EPHB4: variants seen among roughly 807,000 people sequenced by gnomAD.
EPHB4 encodes the protein EPH receptor B4.
A neutral mutation model predicts 110.6 loss-of-function variants in EPHB4; 50 were observed. The observed-to-expected ratio is 0.45, with a 90% confidence interval of 0.36 to 0.57. The LOEUF (loss-of-function observed/expected upper bound fraction) is 0.57, where lower values mean the gene tolerates loss of function less well. EPHB4 is among the 20% of genes least tolerant of loss of function. The pLI is 0.00. For synonymous variants in EPHB4, 592 were observed against 578.4 expected (o/e 1.02, Z -0.34); for missense variants, 1,128 against 1,382.1 (o/e 0.82, Z 2.91).
chr7:100,822,728 T>C lies in EPHB4; in HGVS notation c.412-61A>G, dbSNP rs1174505840. The C allele has an allele frequency of 1.4e-6, 2 of 1,452,904 alleles. No homozygotes were observed. The highest frequency in any genetic ancestry group is 1.4e-5 in the African/African-American group (1 of 70,546). 90.0% of individuals were successfully genotyped at this position (1,452,904 alleles called of 1,614,324 possible). On this transcript the variant is annotated intron_variant, in intron 3 of 16. Transcript: ENST00000358173. This position sits in a 1 kb window ranked among gnomAD's most constrained non-coding sequence, Gnocchi z 4.7. ...CACTCCCTGAGGACCCAGCGGACTG[T>C]TGTGTTCTTCCCAGCTCACCCTCCC...
chr7:100,822,810 T>C lies in EPHB4; in HGVS notation c.412-143A>G, dbSNP rs1813270434. On this transcript the variant is annotated intron_variant, in intron 3 of 16. Coordinates refer to ENST00000358173, the MANE Select transcript of EPHB4 (RefSeq NM_004444.5). The surrounding 1 kb of genome is among the most constrained non-coding windows in gnomAD (Gnocchi z 4.7). ...CCTCCACCTTCCCCAGGGCACACTT[T>C]CTGCAGGCCCCCACACTGTCCATTC... is the stretch of plus-strand genomic sequence containing the variant. The C allele has an allele frequency of 1.6e-6, 2 of 1,286,536 alleles. No homozygotes were observed. The highest frequency in any genetic ancestry group is 2.1e-6 in the Non-Finnish European group (2 of 966,758). The allele number at this position is 1,286,536 out of a possible 1,614,324, so 79.7% of individuals were successfully genotyped here.
rs560760071 is a variant in EPHB4 at position 100,826,870 on chromosome 7, G to A, written c.52+109C>T. On this transcript the variant is annotated intron_variant, in intron 1 of 16. Coordinates refer to ENST00000358173, the MANE Select transcript of EPHB4 (RefSeq NM_004444.5). The stretch of plus-strand genomic sequence containing the variant: ...TCGGTCCGAAGTGTTTGGGACTGCA[G>A]TGCCCGGGTAGGGGTAGTCAGAGGC... 5 of 1,306,982 alleles carry A rather than the reference G, an allele frequency of 3.8e-6. No individual in the cohort carries two copies. In the South Asian group the frequency reaches 4.5e-5, roughly 12 times the overall value. The allele number at this position is 1,306,982 out of a possible 1,614,324, so 81.0% of individuals were successfully genotyped here.
At position 100,827,466 on chromosome 7, in the gene EPHB4, G is replaced by T; in HGVS notation, c.-436C>A. The T allele has an allele frequency of 6.6e-6, 1 of 150,856 alleles. No individual in the cohort carries two copies. Among genetic ancestry groups the T allele is most frequent in the South Asian group, 1.9e-4 (1 of 5,180 alleles). The allele number at this position is 150,856 out of a possible 1,614,324, so 9.3% of individuals were successfully genotyped here. ...GCGGGGACGGAGCGGGAGGGAGGGA[G>T]ACTGCGGCGCGGAGCCGGGCGGGCC... On this transcript the variant is annotated 5_prime_UTR_variant, in exon 1 of 17. Coordinates refer to ENST00000358173, the MANE Select transcript of EPHB4 (RefSeq NM_004444.5).
At chr7:100,805,370 G>A in intron 15 of EPHB4, 49 bp from the exon 16 acceptor site, 1 of 1,609,228 alleles carries the variant, frequency 6.2e-7, no homozygotes. Flanking sequence ...CCCAGGTCCG[G>A]GGGAGGAGGT....
intron 7 of EPHB4, among the ~76,000 whole-genome samples, 197 bp from the exon 8 acceptor site, chr7:100,817,554 T>C (rs1813107937): frequency 6.6e-6 from 1 of 152,188 alleles, no homozygotes; most frequent in African/African-American, 2.4e-5. Flanking sequence ...GGTCTCACTT[T>C]CTCAGGCTGG....
Position 100,807,468 on chromosome 7 carries a change from C to A in EPHB4, c.2231G>T (p.Arg744Leu), listed in dbSNP as rs1285622741. ...MSYVHRDLAARNILVNSNLVC... is the reference protein window; with the variant it reads ...MSYVHRDLAALNILVNSNLVC... ...GAGGTTGCTGTTGACTAGGATGTTG[C>A]GAGCAGCCAGGTCTCGGTGGACGTA... is the stretch of plus-strand genomic sequence containing the variant. The change falls in exon 13 of 17, where the codon CGC becomes CTC. Residue 744 changes from arginine to leucine, a missense_variant. Arg to Leu is a moderately radical substitution (Grantham distance 102). This residue lies in a region of EPHB4 where 191 missense variants were observed against 313.0 expected (regional missense o/e 0.61). Transcript: ENST00000358173. The A allele has an allele frequency of 6.2e-7, 1 of 1,613,850 alleles. No homozygotes were observed. The highest frequency in any genetic ancestry group is 8.5e-7 in the Non-Finnish European group (1 of 1,179,988).
intron 12 of EPHB4, among the ~76,000 whole-genome samples, chr7:100,811,032 T>A (rs1812920991): frequency 1.3e-5 from 2 of 152,176 alleles, no homozygotes; most frequent in South Asian, 4.2e-4. Flanking sequence ...GGTGGATCAC[T>A]TGAGCCCAGG....
At chr7:100,817,143 C>A (rs760527961) in intron 8 of EPHB4, 49 bp downstream of exon 8, 2 of 1,331,260 alleles carry the variant, frequency 1.5e-6, no homozygotes, top group Non-Finnish European at 2.0e-6. Flanking sequence ...TTCCCAGGAA[C>A]TTTGGGGGTC....
chr7:100,804,281 G>C (rs574233906), intron 16 of EPHB4, among the ~76,000 whole-genome samples: 3 of 148,828 alleles, frequency 2.0e-5, no homozygotes, highest in African/African-American at 7.5e-5. Flanking sequence ...GATTACAGGC[G>C]TGAGCCACCA....
Position 100,803,787 on chromosome 7 carries a change from G to C in EPHB4, c.2835-197C>G, listed in dbSNP as rs189463672. Among the ~76,000 whole-genome samples, 11 of 152,338 alleles carry C rather than the reference G, an allele frequency of 7.2e-5. No individual in the cohort carries two copies. In the South Asian group the frequency reaches 1.0e-3, roughly 14 times the overall value. ...CCATCCTTCTGTGCAACCGCAGAAG[G>C]GGGTAGGGCTGGAGGCCAGAGGCAG... On this transcript the variant is annotated intron_variant, in intron 16 of 16. Coordinates refer to ENST00000358173, the MANE Select transcript of EPHB4 (RefSeq NM_004444.5).
chr7:100,806,786 T>A (rs1315768775), intron 13 of EPHB4, among the ~76,000 whole-genome samples: 1 of 152,172 alleles, frequency 6.6e-6, no homozygotes, highest in African/African-American at 2.4e-5. Flanking sequence ...TTCTCCTACC[T>A]CAGCCTCCTG....
chr7:100,818,069 T>A (rs1203364739), intron 7 of EPHB4, among the ~76,000 whole-genome samples: 1 of 150,832 alleles, frequency 6.6e-6, no homozygotes, highest in East Asian at 2.0e-4. Flanking sequence ...GGTTTCACCG[T>A]GTTAGCCAGG....
rs761744965 is a variant in EPHB4 at position 100,819,880 on chromosome 7, G to A, written c.974C>T (p.Ser325Leu). Residue 325 changes from serine (S) to leucine (L), a missense_variant, in exon 6 of 17, where the codon TCG becomes TTG. Ser to Leu is a moderately radical substitution (Grantham distance 145). Transcript: ENST00000358173. Reference protein sequence around the residue: ...PRGAPCTTPPSAPRSVVSRLN... With the variant: ...PRGAPCTTPPLAPRSVVSRLN... ...GCGGGAAACCACGCTCCGCGGAGCC[G>A]AAGGAGGGGCTGCAGGAGACCAGGG... 1 of 1,544,668 alleles carries A rather than the reference G, an allele frequency of 6.5e-7. No individual in the cohort carries two copies. The highest frequency in any genetic ancestry group is 8.8e-7 in the Non-Finnish European group (1 of 1,142,804).
Position 100,806,573 on chromosome 7 carries a change from C to A in EPHB4, c.2335-4G>T. On this transcript the variant is annotated splice_region_variant and splice_polypyrimidine_tract_variant and intron_variant, in intron 13 of 16. Coordinates refer to ENST00000358173, the MANE Select transcript of EPHB4 (RefSeq NM_004444.5). Reference sequence around the variant, plus strand: ...ATCGGATGGGAATCTTTCCTCCCTGCAGAAAAAGGAGAAAAGGTGAGCTGG... The same window carrying A: ...ATCGGATGGGAATCTTTCCTCCCTGAAGAAAAAGGAGAAAAGGTGAGCTGG... The A allele has an allele frequency of 6.2e-7, 1 of 1,611,692 alleles. No homozygotes were observed. Among genetic ancestry groups the A allele is most frequent in the Non-Finnish European group, 8.5e-7 (1 of 1,178,844 alleles).
chr7:100,807,867 G>A (rs927407996), intron 12 of EPHB4, among the ~76,000 whole-genome samples: 17 of 151,870 alleles, frequency 1.1e-4, no homozygotes, highest in African/African-American at 3.6e-4. Flanking sequence ...GGCCTGAAGC[G>A]ATCCTTCCGC....
intron 13 of EPHB4, 31 bp downstream of exon 13, chr7:100,807,334 A>G (rs748023770): frequency 9.6e-5 from 155 of 1,607,782 alleles, no homozygotes; most frequent in Non-Finnish European, 1.3e-4. Context: ...GGCCCTAAGA[A>G]GCTCACACCC....
At chr7:100,825,425 A>C (rs1013327861) in intron 1 of EPHB4, 1 of 152,134 alleles carries the variant, frequency 6.6e-6, no homozygotes, top group Non-Finnish European at 1.5e-5. Context: ...TCCAATTTAC[A>C]CACTGTCTCT....
At chr7:100,813,810 T>C in intron 9 of EPHB4, 94 bp from the exon 10 acceptor site, 2 of 1,606,732 alleles carry the variant, frequency 1.2e-6, no homozygotes, top group South Asian at 1.1e-5. Flanking sequence ...TGGAGAAGAT[T>C]TCAAGTAAAA....
intron 8 of EPHB4, 45 bp downstream of exon 8, chr7:100,817,146 TG>T (rs1203357124): frequency 1.4e-6 from 2 of 1,453,868 alleles, no homozygotes; most frequent in Admixed American, 2.7e-5. Flanking sequence ...CCAGGAACTT[TG>T]GGGGTCTTTC....
Sources: gnomAD v4.1 joint callset for allele counts (sites outside exome capture counted in the v4.1 genomes callset) on GRCh38, gnomAD v4.1.1 for gene constraint, gnomAD v4.1.1 regional missense constraint, Gnocchi (gnomAD v3.1) non-coding constraint, MANE v1.5 for transcripts, NCBI Gene and HGNC (gene_info 2026-07-23, HGNC 2026-07-21) for gene names.